Variants in SINHCAF observed in about 807,000 individuals in gnomAD.
SINHCAF encodes the protein SIN3-HDAC complex-associated factor.
SINHCAF carries 3 observed loss-of-function variants against 25.8 expected under a neutral mutation model. That is an observed-to-expected ratio of 0.12 (90% CI 0.05 to 0.30). The LOEUF is 0.30. SINHCAF is among the 10% of genes least tolerant of loss of function. The pLI, the probability that SINHCAF is intolerant of heterozygous loss-of-function variation, is 1.00. For missense variants in SINHCAF, 121 were observed against 262.3 expected, an observed-to-expected ratio of 0.46 and a Z score of 3.72; for synonymous variants, 70 against 85.5, an observed-to-expected ratio of 0.82 and a Z score of 1.00.
At chr12:31,290,182 C>G (rs748704050) in intron 4 of SINHCAF, among the ~76,000 whole-genome samples, 4 of 152,090 alleles carry the variant, frequency 2.6e-5, no homozygotes, top group Non-Finnish European at 4.4e-5. Context: ...CAGAGTCTCA[C>G]TCTGTCGCCC....
intron 4 of SINHCAF, among the ~76,000 whole-genome samples, chr12:31,292,854 G>A (rs1398102978): frequency 6.6e-6 from 1 of 152,128 alleles, no homozygotes; most frequent in East Asian, 1.9e-4. Flanking sequence ...AAACAAGCAT[G>A]ATAACCATGT....
chr12:31,320,856 G>C (rs1176617094), intron 1 of SINHCAF, among the ~76,000 whole-genome samples: 1 of 151,940 alleles, frequency 6.6e-6, no homozygotes, highest in Non-Finnish European at 1.5e-5. Flanking sequence ...ACTAGTGTGG[G>C]GAGAAATGAG....
chr12:31,318,928 A>C (rs1340674543), intron 1 of SINHCAF, among the ~76,000 whole-genome samples: 2 of 152,208 alleles, frequency 1.3e-5, no homozygotes, highest in Non-Finnish European at 2.9e-5. Context: ...AATTTATAAG[A>C]GTTGCACATT....
intron 1 of SINHCAF, among the ~76,000 whole-genome samples, chr12:31,315,579 G>A (rs1468628763): frequency 6.6e-6 from 1 of 152,178 alleles, no homozygotes; most frequent in East Asian, 1.9e-4. Context: ...CTCAGGATTT[G>A]AAAGGTTACA....
In SINHCAF at chr12:31,280,651, A is replaced by G. The variant is rs1390463525; in HGVS notation, c.*2061T>C. On this transcript the variant is annotated 3_prime_UTR_variant, in exon 6 of 6. Transcript: ENST00000337682. ...AAAGTTTTGATTATAAGTATCCAAC[A>G]GTATAAAAAGTACAAAACAGATCTG... 6.6e-6 allele frequency: 1 copy of G among 152,628 alleles called. No individual in the cohort carries two copies. Among genetic ancestry groups the G allele is most frequent in the Admixed American group, 6.5e-5 (1 of 15,274 alleles). 9.5% of individuals were successfully genotyped at this position (152,628 alleles called of 1,614,324 possible).
At position 31,324,985 on chromosome 12, in the gene SINHCAF, G is replaced by A; in HGVS notation, c.-21+1039C>T. 6.6e-6 allele frequency: 3 copies of A among 456,734 alleles called. No homozygotes were observed. Among genetic ancestry groups the A allele is most frequent in the South Asian group, 1.5e-5 (1 of 64,562 alleles). 28.3% of individuals were successfully genotyped at this position (456,734 alleles called of 1,614,324 possible). ...CTGCCCGACGGCGGCCGCATCCCAC[G>A]GCTCACGCGGGGCTGGACATTCGGA... On this transcript the variant is annotated intron_variant, in intron 1 of 5. Transcript: ENST00000337682. This position sits in a 1 kb window ranked among gnomAD's most constrained non-coding sequence, Gnocchi z 5.5.
At chr12:31,323,806 A>C (rs1939814040) in intron 1 of SINHCAF, 1 of 390,472 alleles carries the variant, frequency 2.6e-6, no homozygotes, top group South Asian at 1.8e-5. Context: ...ACGGTGGTTT[A>C]TCGGGCGTCG....
chr12:31,286,256 TC>T (rs200240547), intron 5 of SINHCAF, among the ~76,000 whole-genome samples: 1,868 of 152,342 alleles, frequency 0.012, 19 homozygotes, highest in Non-Finnish European at 0.019. Context: ...TAAAAAAGTT[TC>T]CTTCTATTCC....
intron 1 of SINHCAF, among the ~76,000 whole-genome samples, chr12:31,302,363 G>A (rs1383593425): frequency 1.3e-5 from 2 of 151,706 alleles, no homozygotes; most frequent in Admixed American, 6.6e-5. Context: ...TTTATGGTAC[G>A]TGAAAGATCT....
chr12:31,299,653 T>A (rs752721115), intron 1 of SINHCAF, among the ~76,000 whole-genome samples: 1 of 152,188 alleles, frequency 6.6e-6, no homozygotes. Flanking sequence ...TCCATAGTTT[T>A]AGGAGTTATT....
chr12:31,289,336 A>G (rs1383271013), intron 4 of SINHCAF, among the ~76,000 whole-genome samples: 1 of 152,242 alleles, frequency 6.6e-6, no homozygotes, highest in African/African-American at 2.4e-5. Flanking sequence ...ATAAACCCAA[A>G]GAAATCCATG....
rs1937796208 is a variant in SINHCAF, at chr12:31,281,549, A to G, written c.*1163T>C. On this transcript the variant is annotated 3_prime_UTR_variant, in exon 6 of 6. Coordinates refer to ENST00000337682, the MANE Select transcript of SINHCAF (RefSeq NM_001135812.2). ...CACAGAAGTCATGTAACACAAACAAAAGTCGATTATATTTACACACTCAGC... is the reference window on the plus strand; with the variant it reads ...CACAGAAGTCATGTAACACAAACAAGAGTCGATTATATTTACACACTCAGC... 1 of 152,176 alleles carries G rather than the reference A, an allele frequency of 6.6e-6. No homozygotes were observed. The highest frequency in any genetic ancestry group is 1.5e-5 in the Non-Finnish European group (1 of 68,026). 9.4% of individuals were successfully genotyped at this position (152,176 alleles called of 1,614,324 possible).
In SINHCAF at chr12:31,324,174, C is replaced by T; in HGVS notation, c.-21+1850G>A. ...TGCGCCGGAACAACGGGCCCCGCGC[C>T]AGCCCGGCCCGGCGCCTCCCGCAGG... On this transcript the variant is annotated intron_variant, in intron 1 of 5. Coordinates refer to ENST00000337682, the MANE Select transcript of SINHCAF (RefSeq NM_001135812.2). This position sits in a 1 kb window ranked among gnomAD's most constrained non-coding sequence, Gnocchi z 5.5. The T allele has an allele frequency of 4.1e-6, 1 of 245,634 alleles. No individual in the cohort carries two copies. 15.2% of individuals were successfully genotyped at this position (245,634 alleles called of 1,614,324 possible).
intron 5 of SINHCAF, among the ~76,000 whole-genome samples, chr12:31,285,418 T>TATACAC (rs1555110957): frequency 0.014 from 2,023 of 141,426 alleles, 40 homozygotes; most frequent in African/African-American, 0.046. Flanking sequence ...TATATATACA[T>TATACAC]ACACACACAC....
At chr12:31,308,935 C>T (rs1055896829) in intron 1 of SINHCAF, among the ~76,000 whole-genome samples, 2 of 151,816 alleles carry the variant, frequency 1.3e-5, no homozygotes, top group African/African-American at 4.8e-5. Flanking sequence ...CGAGACCAGC[C>T]TGGCCAACAT....
chr12:31,299,474 A>C (rs1199055328), intron 1 of SINHCAF, among the ~76,000 whole-genome samples: 1 of 151,870 alleles, frequency 6.6e-6, no homozygotes, highest in Non-Finnish European at 1.5e-5. Flanking sequence ...CCGCCACCAC[A>C]CCCGGCTAAC....
chr12:31,301,408 ATC>A lies in SINHCAF; in HGVS notation c.-20-3186_-20-3185del, dbSNP rs1195197879. Among the ~76,000 whole-genome samples, 2 of 152,226 alleles carry A rather than the reference ATC, an allele frequency of 1.3e-5. 1 individual carries two copies. The highest frequency in any genetic ancestry group is 4.1e-4 in the South Asian group (2 of 4,832). On this transcript the variant is annotated intron_variant, in intron 1 of 5. Transcript: ENST00000337682. The stretch of plus-strand genomic sequence containing the variant: ...CCTGACAAAATTATTCTGCCTGAAC[ATC>A]TGAGAGGGATCTAAATCCTAGGGCT...
rs1473359773 is a variant in SINHCAF, at chr12:31,326,142, T to G, written c.-139A>C. 1.3e-5 allele frequency: 2 copies of G among 152,292 alleles called. No individual in the cohort carries two copies. Among genetic ancestry groups the G allele is most frequent in the African/African-American group, 2.4e-5 (1 of 41,472 alleles). 9.4% of individuals were successfully genotyped at this position (152,292 alleles called of 1,614,324 possible). ...TGCCTTGTCTAGAAAGATAGTCTCC[T>G]GCAGTTCTGCAGTTGCTACCGCTGG... On this transcript the variant is annotated 5_prime_UTR_variant, in exon 1 of 6. Transcript: ENST00000337682.
chr12:31,287,972 T>C (rs947521422), intron 4 of SINHCAF, among the ~76,000 whole-genome samples, 188 bp from the exon 5 acceptor site: 3 of 152,178 alleles, frequency 2.0e-5, no homozygotes, highest in African/African-American at 4.8e-5. Context: ...GTGAAGAAGA[T>C]GGAATAGACA....
Sources: allele counts gnomAD v4.1 joint callset (sites outside exome capture counted in the v4.1 genomes callset), GRCh38; gene constraint gnomAD v4.1.1; non-coding constraint Gnocchi (gnomAD v3.1); transcripts MANE v1.5; gene names NCBI Gene and HGNC (gene_info 2026-07-23, HGNC 2026-07-21).